The following IQCN variants were observed in gnomAD, a reference collection of about 807,000 sequenced individuals.
IQCN encodes the protein IQ motif containing N, also known as IQ domain-containing protein N.
A neutral mutation model predicts 64.4 loss-of-function variants in IQCN; 46 were observed. The observed-to-expected ratio is 0.71, with a 90% confidence interval of 0.56 to 0.91. IQCN has a LOEUF of 0.91. Ranked by LOEUF, IQCN falls within the 40% of genes least tolerant of loss-of-function variation. The pLI is 0.00. For missense variants in IQCN, 1,753 were observed against 1,857.4 expected (o/e 0.94, Z 1.03); for synonymous variants, 733 against 775.6 (o/e 0.95, Z 0.91).
Position 18,266,146 on chromosome 19 carries a change from T to C in IQCN, c.1394A>G (p.Lys465Arg), listed in dbSNP as rs762335490. The C allele has an allele frequency of 2.5e-6, 4 of 1,614,126 alleles. No homozygotes were observed. The Admixed American group carries it at 5.0e-5, about 20-fold the overall frequency. ...TGACAGACATGTTTGCAATGGGTTTTTGGCTGGGGTGGTGACCGGGTGCAT... is the reference window on the plus strand; with the variant it reads ...TGACAGACATGTTTGCAATGGGTTTCTGGCTGGGGTGGTGACCGGGTGCAT... ...PQMHPVTTPA[K>R]NPLQTCLSAT... is the part of the protein sequence containing the mutation. The change falls in exon 3 of 4, where the codon AAA becomes AGA. Residue 465 changes from lysine (K) to arginine (R), a missense_variant. Transcript: ENST00000392413. This position sits in a 1 kb window ranked among gnomAD's most constrained non-coding sequence, Gnocchi z 4.3.
Position 18,265,652 on chromosome 19 carries a change from C to T in IQCN, c.1888G>A (p.Gly630Arg), listed in dbSNP as rs773542240. 2 of 1,614,150 alleles carry T rather than the reference C, an allele frequency of 1.2e-6. No individual in the cohort carries two copies. Among genetic ancestry groups the T allele is most frequent in the Non-Finnish European group, 1.7e-6 (2 of 1,180,022 alleles). The change falls in exon 3 of 4, where the codon GGG becomes AGG. Residue 630 changes from glycine to arginine, a missense_variant. Transcript: ENST00000392413. The surrounding 1 kb of genome is among the most constrained non-coding windows in gnomAD (Gnocchi z 4.7). ...GCAACTTTTGTCCAGGATGGAGCCC[C>T]AGCCATTTCCACTGCCACACTGGTC... is the stretch of plus-strand genomic sequence containing the variant. ...FKTSVAVEMA[G>R]APSWTKVAEE...
Position 18,264,311 on chromosome 19 carries a change from C to T in IQCN, c.3177+52G>A. ...TCCCCCATCTCCTCCAAGGGCCCGG[C>T]AGGTTGGCCCATGGTGAAACAACCC... On this transcript the variant is annotated intron_variant, in intron 3 of 3. Coordinates refer to ENST00000392413, the MANE Select transcript of IQCN (RefSeq NM_001145304.2). The surrounding 1 kb of genome is among the most constrained non-coding windows in gnomAD (Gnocchi z 4.3). 1.4e-6 allele frequency: 2 copies of T among 1,401,708 alleles called. No homozygotes were observed. Among genetic ancestry groups the T allele is most frequent in the Non-Finnish European group, 1.9e-6 (2 of 1,066,268 alleles). The allele number at this position is 1,401,708 out of a possible 1,614,324, so 86.8% of individuals were successfully genotyped here.
intron 3 of IQCN, chr19:18,258,512 C>A (rs554163290): frequency 1.1e-5 from 5 of 446,568 alleles, no homozygotes; most frequent in African/African-American, 1.0e-4. Context: ...TGCTCGGAGC[C>A]ATGTTTCCAG....
chr19:18,268,721 T>A (rs146231784), intron 2 of IQCN, among the ~76,000 whole-genome samples: 1,787 of 151,802 alleles, frequency 0.012, 19 homozygotes, highest in Non-Finnish European at 0.018. Context: ...CCCAGCACTT[T>A]GGGAGGCCGA....
rs1302285855 is a variant in IQCN at position 18,257,262 on chromosome 19, C to T, written c.4022G>A (p.Ser1341Asn). The T allele has an allele frequency of 6.2e-7, 1 of 1,613,798 alleles. No individual in the cohort carries two copies. Among genetic ancestry groups the T allele is most frequent in the Admixed American group, 1.7e-5 (1 of 60,028 alleles). ...QATWRGHHTR[S>N]CLKNTEALLG... ...GAGCGCCTCTGTGTTCTTCAGACAG[C>T]TCCGGGTATGGTGGCCTCGCCAGGT... The change falls in exon 4 of 4, where the codon AGC becomes AAC. Residue 1341 changes from serine to asparagine, a missense_variant. Ser to Asn is a conservative substitution (Grantham distance 46, BLOSUM62 1). Transcript: ENST00000392413.
chr19:18,267,209 G>C lies in IQCN; in HGVS notation c.331C>G (p.Gln111Glu). 6.2e-7 allele frequency: 1 copy of C among 1,614,258 alleles called. No individual in the cohort carries two copies. The highest frequency in any genetic ancestry group is 8.5e-7 in the Non-Finnish European group (1 of 1,180,048). The change falls in exon 3 of 4, where the codon CAA becomes GAA. Residue 111 changes from glutamine (Q) to glutamate (E), a missense_variant. Coordinates refer to ENST00000392413, the MANE Select transcript of IQCN (RefSeq NM_001145304.2). ...MMHARAATLI[Q>E]ANWRGYWLRQ... ...AGCCAATAGCCCCTCCAGTTGGCTT[G>C]GATGAGCGTGGCTGCACGGGCGTGC...
rs1969326976 is a variant in IQCN at position 18,257,633 on chromosome 19, G to A, written c.3651C>T (p.Asp1217=). The change falls in exon 4 of 4, where the codon GAC becomes GAT. Residue 1217 remains aspartate, a synonymous_variant. Transcript: ENST00000392413. ...FQDGRARTVS[D]HRCFQSCQAH... The stretch of plus-strand genomic sequence containing the variant: ...CCTGGCAGGACTGGAAGCAGCGATG[G>A]TCAGATACTGTCCTGGCTCTGCCAT... 1.2e-6 allele frequency: 2 copies of A among 1,612,492 alleles called. No homozygotes were observed. Among genetic ancestry groups the A allele is most frequent in the Non-Finnish European group, 1.7e-6 (2 of 1,179,794 alleles).
rs1600129263 is a variant in IQCN, at chr19:18,266,281, G to A, written c.1259C>T (p.Pro420Leu). The A allele has an allele frequency of 3.1e-6, 5 of 1,613,456 alleles. No individual in the cohort carries two copies. Among genetic ancestry groups the A allele is most frequent in the East Asian group, 4.5e-5 (2 of 44,888 alleles). Residue 420 changes from proline to leucine, a missense_variant, in exon 3 of 4, where the codon CCT becomes CTT. Pro to Leu is a moderately conservative substitution (Grantham distance 98). Transcript: ENST00000392413. The surrounding 1 kb of genome is among the most constrained non-coding windows in gnomAD (Gnocchi z 4.3). ...TCGGTTCTTTGCCGTGATGGTCGCAGGGCATGTCTGCCGTGGGGTGCCAGT... is the reference window on the plus strand; with the variant it reads ...TCGGTTCTTTGCCGTGATGGTCGCAAGGCATGTCTGCCGTGGGGTGCCAGT... ...SRTGTPRQTCPATITAKNRPQ... is the reference protein window; with the variant it reads ...SRTGTPRQTCLATITAKNRPQ...
At chr19:18,268,174 CTGTG>C (rs71336668) in intron 2 of IQCN, among the ~76,000 whole-genome samples, 25,959 of 134,398 alleles carry the variant, frequency 0.19, 2,427 homozygotes, top group Admixed American at 0.28. Flanking sequence ...CTGTTTGCCT[CTGTG>C]TGTGTGTGTG....
In IQCN at chr19:18,265,565, G is replaced by A. The variant is rs572232343; in HGVS notation, c.1975C>T (p.Arg659Trp). The A allele has an allele frequency of 2.7e-4, 438 of 1,611,642 alleles. No individual in the cohort carries two copies. The highest frequency in any genetic ancestry group is 3.4e-4 in the Non-Finnish European group (396 of 1,178,324). ...GTCAGTGGGGCAGCCAGCTGTCCCCGGGGCAGGGTGACAGCCATGTCTACA... is the reference window on the plus strand; with the variant it reads ...GTCAGTGGGGCAGCCAGCTGTCCCCAGGGCAGGGTGACAGCCATGTCTACA... ...VPVDMAVTLP[R>W]GQLAAPLTNA... Residue 659 changes from arginine (R) to tryptophan (W), a missense_variant, in exon 3 of 4, where the codon CGG becomes TGG. Transcript: ENST00000392413. This position sits in a 1 kb window ranked among gnomAD's most constrained non-coding sequence, Gnocchi z 4.7.
At chr19:18,260,405 C>T (rs1039903576) in intron 3 of IQCN, 1 of 152,562 alleles carries the variant, frequency 6.6e-6, no homozygotes, top group Non-Finnish European at 1.5e-5. Context: ...CTGAGTCCAC[C>T]CTTGAACACT....
rs548939159 is a variant in IQCN, at chr19:18,257,523, C to T, written c.3761G>A (p.Arg1254His). The change falls in exon 4 of 4, where the codon CGC becomes CAC. Residue 1254 changes from arginine to histidine, a missense_variant. Physicochemically the swap from Arg to His is conservative, Grantham distance 29. Coordinates refer to ENST00000392413, the MANE Select transcript of IQCN (RefSeq NM_001145304.2). ...TGTGCGTCCACAGGTATGACAGGTG[C>T]GAGGGCTGGAGCCCACTAGCATCAC... is the stretch of plus-strand genomic sequence containing the variant. ...SVVMLVGSSP[R>H]TCHTCGRTQP... 9.3e-6 allele frequency: 15 copies of T among 1,611,120 alleles called. No homozygotes were observed. Among genetic ancestry groups the T allele is most frequent in the East Asian group, 4.5e-5 (2 of 44,848 alleles).
At chr19:18,271,046 C>T (rs1969724516) in intron 1 of IQCN, among the ~76,000 whole-genome samples, 2 of 151,064 alleles carry the variant, frequency 1.3e-5, no homozygotes, top group South Asian at 2.1e-4. Context: ...GTGGCATGCA[C>T]CTGTAATCCC....
chr19:18,265,334 C>T lies in IQCN; in HGVS notation c.2206G>A (p.Ala736Thr), dbSNP rs755512329. ...GACTGCGTCTTGGTCAGACAGGTGG[C>T]TAGAGGCGCTTGGGACTGGACCTTC... The part of the protein sequence containing the change: ...AVKVQSQAPL[A>T]TCLTKTQSRG... Residue 736 changes from alanine (A) to threonine (T), a missense_variant, in exon 3 of 4, where the codon GCC (alanine) becomes ACC (threonine). Coordinates refer to ENST00000392413, the MANE Select transcript of IQCN (RefSeq NM_001145304.2). This position sits in a 1 kb window ranked among gnomAD's most constrained non-coding sequence, Gnocchi z 4.7. The T allele has an allele frequency of 6.2e-7, 1 of 1,614,128 alleles. No individual in the cohort carries two copies. The highest frequency in any genetic ancestry group is 8.5e-7 in the Non-Finnish European group (1 of 1,180,024).
In IQCN at chr19:18,266,733, G is replaced by A. The variant is rs1299452824; in HGVS notation, c.807C>T (p.Thr269=). The A allele has an allele frequency of 6.8e-6, 11 of 1,614,058 alleles. No individual in the cohort carries two copies. The highest frequency in any genetic ancestry group is 9.3e-6 in the Non-Finnish European group (11 of 1,180,046). The change falls in exon 3 of 4, where the codon ACC becomes ACT. Residue 269 remains threonine (T), a synonymous_variant. Coordinates refer to ENST00000392413, the MANE Select transcript of IQCN (RefSeq NM_001145304.2). The surrounding 1 kb of genome is among the most constrained non-coding windows in gnomAD (Gnocchi z 4.3). ...PCLLTRTIRS[T]CLVHIEGDSV... ...AGTCACCCTCTATGTGGACGAGGCA[G>A]GTGCTTCTGATGGTTCTGGTCAGCA...
Position 18,264,753 on chromosome 19 carries a change from G to GGCAGGGCGCCATGCTCAGCATGCTCTGA in IQCN, c.2786_2787insTCAGAGCATGCTGAGCATGGCGCCCTGC (p.Leu937ProfsTer18). ...CCAGCGCCATGCTCAGCATGCTCTG[G>GGCAGGGCGCCATGCTCAGCATGCTCTGA]GGCAGGGCTTTGGTGACAGTGGCAC... On this transcript the variant is annotated frameshift_variant, in exon 3 of 4. Coordinates refer to ENST00000392413, the MANE Select transcript of IQCN (RefSeq NM_001145304.2). LOFTEE classifies it high-confidence loss of function. The surrounding 1 kb of genome is among the most constrained non-coding windows in gnomAD (Gnocchi z 4.3). The GGCAGGGCGCCATGCTCAGCATGCTCTGA allele has an allele frequency of 6.4e-7, 1 of 1,551,076 alleles. No homozygotes were observed. Among genetic ancestry groups the GGCAGGGCGCCATGCTCAGCATGCTCTGA allele is most frequent in the Non-Finnish European group, 8.7e-7 (1 of 1,146,954 alleles).
rs1969578233 is a variant in IQCN at position 18,266,212 on chromosome 19, T to C, written c.1328A>G (p.Gln443Arg). The change falls in exon 3 of 4, where the codon CAG becomes CGG. Residue 443 changes from glutamine (Q) to arginine (R), a missense_variant. Physicochemically the swap from Gln to Arg is conservative, Grantham distance 43 (BLOSUM62 1). Transcript: ENST00000392413. The surrounding 1 kb of genome is among the most constrained non-coding windows in gnomAD (Gnocchi z 4.3). ...TGCCATCGCAGGCCCCGGGCATACC[T>C]GGGGCAGGCTCTTCATGATGGAAGC... is the stretch of plus-strand genomic sequence containing the variant. ...LLASIMKSLP[Q>R]VCPGPAMAKT... is the part of the protein sequence containing the mutation. 7 of 1,613,834 alleles carry C rather than the reference T, an allele frequency of 4.3e-6. No homozygotes were observed. Among genetic ancestry groups the C allele is most frequent in the South Asian group, 3.3e-5 (3 of 91,080 alleles).
At chr19:18,263,053 C>A (rs1969465428) in intron 3 of IQCN, among the ~76,000 whole-genome samples, 1 of 152,178 alleles carries the variant, frequency 6.6e-6, no homozygotes, top group South Asian at 2.1e-4. Flanking sequence ...TTCTCCGAGG[C>A]TGGAGTGGGC....
At position 18,265,106 on chromosome 19, in the gene IQCN, C is replaced by T. The variant is rs140540623; in HGVS notation, c.2434G>A (p.Val812Met). 2.8e-4 allele frequency: 446 copies of T among 1,603,348 alleles called. 1 individual carries two copies. Among genetic ancestry groups the T allele is most frequent in the Admixed American group, 4.5e-4 (27 of 60,004 alleles). Residue 812 changes from valine (V) to methionine (M), a missense_variant, in exon 3 of 4, where the codon GTG becomes ATG. Transcript: ENST00000392413. The surrounding 1 kb of genome is among the most constrained non-coding windows in gnomAD (Gnocchi z 4.7). ...CCCCCCTGAGTGGTCTTCCCCGGCACGTGTCCGTGGGGCTGTGGCTGGGTC... is the reference window on the plus strand; with the variant it reads ...CCCCCCTGAGTGGTCTTCCCCGGCATGTGTCCGTGGGGCTGTGGCTGGGTC... ...RQTQPQPHGH[V>M]PGKTTQGGPC...
Sources: gnomAD v4.1 joint callset for allele counts (sites outside exome capture counted in the v4.1 genomes callset) on GRCh38, gnomAD v4.1.1 for gene constraint, Gnocchi (gnomAD v3.1) non-coding constraint, MANE v1.5 for transcripts, NCBI Gene and HGNC (gene_info 2026-07-23, HGNC 2026-07-21) for gene names.